FRAS1: variants seen among roughly 807,000 people sequenced by gnomAD.
FRAS1 encodes extracellular matrix organizing protein FRAS1.
Under a neutral mutation model 435.2 loss-of-function variants are expected in FRAS1, and 290 were observed. The ratio of observed to expected loss-of-function variants is 0.67; its 90% CI spans 0.61 to 0.73. FRAS1 has a LOEUF of 0.73. Among genes scored for constraint, FRAS1 ranks in the 30% least tolerant of loss-of-function variants. FRAS1 has a pLI of 0.00. For missense variants in FRAS1, 4,860 were observed against 5,001.5 expected (o/e 0.97, Z 0.85); for synonymous variants, 1,800 against 1,851.0 (o/e 0.97, Z 0.71).
Position 78,356,344 on chromosome 4 carries a change from C to A in FRAS1, c.2423-7169C>A, listed in dbSNP as rs139116613. On this transcript the variant is annotated intron_variant, in intron 20 of 73. Coordinates refer to ENST00000512123, the MANE Select transcript of FRAS1 (RefSeq NM_025074.7). ...TTCCTAGTATTTTTACTCCAATAAC[C>A]TTTTCCCCCCTCTAACAACTGTGTG... Among the ~76,000 whole-genome samples the A allele has an allele frequency of 3.0e-4, 45 of 152,196 alleles. No homozygotes were observed. In the East Asian group the frequency reaches 6.9e-3, roughly 23 times the overall value.
At position 78,101,328 on chromosome 4, in the gene FRAS1, T is replaced by G. The variant is rs555906343; in HGVS notation, c.108+35312T>G. On this transcript the variant is annotated intron_variant, in intron 2 of 73. Transcript: ENST00000512123. ...GCTTGCTTTTGCTTCAACATTTAGCTCATGTTTTTCTTTATTTTTTTCACA... is the reference window on the plus strand; with the variant it reads ...GCTTGCTTTTGCTTCAACATTTAGCGCATGTTTTTCTTTATTTTTTTCACA... Among the ~76,000 whole-genome samples the G allele has an allele frequency of 2.2e-4, 33 of 152,310 alleles. No homozygotes were observed. The East Asian group carries it at 6.0e-3, about 28-fold the overall frequency.
chr4:78,343,613 T>C (rs1730486253), intron 20 of FRAS1, among the ~76,000 whole-genome samples: 1 of 152,222 alleles, frequency 6.6e-6, no homozygotes, highest in South Asian at 2.1e-4. Flanking sequence ...TTTTCCCATT[T>C]ATTGTCACCA....
At chr4:78,414,777 C>CTCCTAA in intron 32 of FRAS1, among the ~76,000 whole-genome samples, 1 of 152,194 alleles carries the variant, frequency 6.6e-6, no homozygotes, top group South Asian at 2.1e-4. Context: ...ATGTTAAGTG[C>CTCCTAA]TGTGGAAGAC....
chr4:78,131,326 G>A (rs1338520856), intron 2 of FRAS1, among the ~76,000 whole-genome samples: 2 of 152,116 alleles, frequency 1.3e-5, no homozygotes, highest in African/African-American at 4.8e-5. Context: ...CAGATCTACA[G>A]TATTAGTCTT....
At chr4:78,127,384 G>T (rs1169173369) in intron 2 of FRAS1, among the ~76,000 whole-genome samples, 1 of 152,166 alleles carries the variant, frequency 6.6e-6, no homozygotes, top group Non-Finnish European at 1.5e-5. Context: ...TTGCTCTGGG[G>T]AGAGATGTGA....
At chr4:78,269,652 T>C (rs1365393836) in intron 9 of FRAS1, among the ~76,000 whole-genome samples, 1 of 152,264 alleles carries the variant, frequency 6.6e-6, no homozygotes, top group Admixed American at 6.5e-5. Flanking sequence ...GCCTGGTCTT[T>C]GTCTTTGCTA....
chr4:78,426,599 T>A (rs1734006622), intron 35 of FRAS1, among the ~76,000 whole-genome samples: 1 of 152,174 alleles, frequency 6.6e-6, no homozygotes, highest in Non-Finnish European at 1.5e-5. Context: ...TCAGCTAAGA[T>A]GAGAAGGAAG....
In FRAS1 at chr4:78,478,015, G is replaced by T. The variant is rs1164819195; in HGVS notation, c.8052G>T (p.Trp2684Cys). The T allele has an allele frequency of 6.2e-7, 1 of 1,601,922 alleles. No homozygotes were observed. Among genetic ancestry groups the T allele is most frequent in the Non-Finnish European group, 8.5e-7 (1 of 1,173,946 alleles). ...PTLEFDKKIY[W>C]VNESAGFLFA... is the part of the protein sequence containing the mutation. The stretch of plus-strand genomic sequence containing the variant: ...TAGAGTTTGACAAGAAGATCTACTG[G>T]GTTAACGAGAGCGCTGGTTTTCTGT... The change falls in exon 55 of 74, where the codon TGG (tryptophan) becomes TGT (cysteine). Residue 2684 changes from tryptophan (W) to cysteine (C), a missense_variant. By Grantham distance (215) the Trp-to-Cys change is radical. Coordinates refer to ENST00000512123, the MANE Select transcript of FRAS1 (RefSeq NM_025074.7).
chr4:78,494,857 T>C (rs1720468000), intron 59 of FRAS1, among the ~76,000 whole-genome samples: 1 of 152,168 alleles, frequency 6.6e-6, no homozygotes, highest in African/African-American at 2.4e-5. Context: ...TTGTTGGATA[T>C]ACAATCAGTT....
Position 78,245,327 on chromosome 4 carries a change from TA to T in FRAS1, c.309+4del. The T allele has an allele frequency of 6.3e-7, 1 of 1,586,920 alleles. No individual in the cohort carries two copies. On this transcript the variant is annotated splice_donor_region_variant and intron_variant, in intron 4 of 73. Transcript: ENST00000512123. ...CATCATGAAAAGAAAATCCATGAGG[TA>T]AGTGTTTTCTGACTCACGGTTGATT...
chr4:78,362,448 T>C (rs1399524174), intron 20 of FRAS1, among the ~76,000 whole-genome samples: 1 of 152,202 alleles, frequency 6.6e-6, no homozygotes, highest in South Asian at 2.1e-4. Context: ...TGTATGTTAG[T>C]GAGTGCAGGA....
At chr4:78,100,117 G>A (rs1050212356) in intron 2 of FRAS1, among the ~76,000 whole-genome samples, 8 of 152,170 alleles carry the variant, frequency 5.3e-5, no homozygotes, top group Non-Finnish European at 1.2e-4. Context: ...AAAAGAAATA[G>A]AGCCTAGAAC....
At chr4:78,136,134 G>A (rs1160844354) in intron 2 of FRAS1, among the ~76,000 whole-genome samples, 1 of 152,164 alleles carries the variant, frequency 6.6e-6, no homozygotes, top group Non-Finnish European at 1.5e-5. Context: ...TCACAGCTTT[G>A]CACTTAGGAA....
intron 2 of FRAS1, among the ~76,000 whole-genome samples, chr4:78,112,448 G>A (rs1363018958): frequency 6.6e-6 from 1 of 151,952 alleles, no homozygotes. Flanking sequence ...TTTCTGTTAG[G>A]TGACTTTTTT....
At chr4:78,213,721 G>C (rs1723617481) in intron 2 of FRAS1, among the ~76,000 whole-genome samples, 1 of 152,122 alleles carries the variant, frequency 6.6e-6, no homozygotes, top group African/African-American at 2.4e-5. Context: ...TTGATAGACA[G>C]TTGCCCAAAA....
chr4:78,294,890 T>A (rs1437027495), intron 14 of FRAS1, among the ~76,000 whole-genome samples: 2 of 152,184 alleles, frequency 1.3e-5, no homozygotes, highest in Non-Finnish European at 2.9e-5. Flanking sequence ...ATATAAGGTA[T>A]AATAAAAAGT....
At chr4:78,375,999 AC>A (rs1170358087) in intron 26 of FRAS1, 120 bp downstream of exon 26, 3 of 1,155,062 alleles carry the variant, frequency 2.6e-6, no homozygotes, top group African/African-American at 1.5e-5. Context: ...ATTTGGGAAA[AC>A]CCATGGTGCT....
chr4:78,459,914 C>T (rs1011016783), intron 47 of FRAS1, among the ~76,000 whole-genome samples: 5 of 152,152 alleles, frequency 3.3e-5, no homozygotes, highest in African/African-American at 1.2e-4. Context: ...AGAGCCCACC[C>T]CAATGACCTC....
At position 78,509,015 on chromosome 4, in the gene FRAS1, G is replaced by C. The variant is rs1344259083; in HGVS notation, c.9780+9G>C. ...CCAGTGTCAACCACATGGTAGGTCT[G>C]GGGGTCTGGGCCTGGTTCTCCCTCC... On this transcript the variant is annotated intron_variant, in intron 63 of 73. Transcript: ENST00000512123. The C allele has an allele frequency of 1.2e-6, 2 of 1,613,606 alleles. No homozygotes were observed. The highest frequency in any genetic ancestry group is 3.3e-5 in the Admixed American group (2 of 59,982).
Sources: gnomAD v4.1 joint callset for allele counts (sites outside exome capture counted in the v4.1 genomes callset) on GRCh38, gnomAD v4.1.1 for gene constraint, MANE v1.5 for transcripts, NCBI Gene and HGNC (gene_info 2026-07-23, HGNC 2026-07-21) for gene names.